Variants in TP63 observed in about 807,000 individuals in gnomAD.
TP63 encodes the protein tumor protein 63.
TP63 carries 17 observed loss-of-function variants against 82.8 expected under a neutral mutation model. That is an observed-to-expected ratio of 0.21 (90% confidence interval 0.14 to 0.31). The LOEUF is 0.31. Among genes scored for constraint, TP63 ranks in the 10% least tolerant of loss-of-function variants. TP63 has a pLI of 1.00. For synonymous variants in TP63, 330 were observed against 321.7 expected (o/e 1.03, Z -0.28); for missense variants, 648 against 895.3 (o/e 0.72, Z 3.52).
chr3:189,602,911 G>T, the TP63 span, among the ~76,000 whole-genome samples: 62 of 152,118 alleles, frequency 4.1e-4, no homozygotes, highest in Non-Finnish European at 6.5e-4. Flanking sequence ...ATGTTTAATG[G>T]CATAGAGCTA....
At chr3:189,890,936 AT>A in intron 13 of TP63, 54 bp downstream of exon 13, 3 of 1,554,366 alleles carry the variant, frequency 1.9e-6, no homozygotes, top group Non-Finnish European at 2.7e-6. Context: ...CTTTCCTCTG[AT>A]GACAACCGCC....
Position 189,676,691 on chromosome 3 carries a change from C to T in TP63, c.62+45114C>T, listed in dbSNP as rs979940612. Among the ~76,000 whole-genome samples, 4 of 151,994 alleles carry T rather than the reference C, an allele frequency of 2.6e-5. No homozygotes were observed. The South Asian group carries it at 8.3e-4, about 32-fold the overall frequency. On this transcript the variant is annotated intron_variant, in intron 1 of 13. Transcript: ENST00000264731. Reference sequence around the variant, plus strand: ...GTGGGCTTTTAGTCTAGCCATCACCCGAATAGTGTACGTCAGGAATCCCCA... The same window carrying T: ...GTGGGCTTTTAGTCTAGCCATCACCTGAATAGTGTACGTCAGGAATCCCCA...
the TP63 span, among the ~76,000 whole-genome samples, chr3:189,621,248 G>C: frequency 6.6e-6 from 1 of 151,924 alleles, no homozygotes; most frequent in Non-Finnish European, 1.5e-5. Flanking sequence ...CTTTTCCTTT[G>C]CCTTTGTGAT....
At chr3:189,629,637 C>T (rs1372519756), upstream of TP63, among the ~76,000 whole-genome samples, 1 of 152,102 alleles carries the variant, frequency 6.6e-6, no homozygotes, top group Non-Finnish European at 1.5e-5. Flanking sequence ...AACCTGGGAA[C>T]GTGTTAGAAA....
intron 3 of TP63, among the ~76,000 whole-genome samples, chr3:189,761,246 C>CAAACAAA (rs1722548444): frequency 6.6e-6 from 1 of 152,200 alleles, no homozygotes; most frequent in South Asian, 2.1e-4. Context: ...TTTTCTGTTG[C>CAAACAAA]ATTGTCAGGC....
intron 4 of TP63, among the ~76,000 whole-genome samples, chr3:189,814,782 A>G (rs1312122550): frequency 6.6e-6 from 1 of 152,158 alleles, no homozygotes; most frequent in Non-Finnish European, 1.5e-5. Flanking sequence ...TTCTTGCCTG[A>G]GTTTTAGATT....
chr3:189,678,914 A>G (rs1011176600), intron 1 of TP63, among the ~76,000 whole-genome samples: 5 of 151,896 alleles, frequency 3.3e-5, no homozygotes, highest in Admixed American at 2.0e-4. Context: ...GTTGTTATTG[A>G]TGTATATAAA....
intron 4 of TP63, among the ~76,000 whole-genome samples, chr3:189,837,477 CTTAAA>C (rs554454446): frequency 9.2e-5 from 14 of 152,100 alleles, no homozygotes; most frequent in African/African-American, 3.4e-4. Flanking sequence ...AAATTTAAAT[CTTAAA>C]TTAAGAAATT....
chr3:189,703,826 G>T (rs1412190125), intron 1 of TP63, among the ~76,000 whole-genome samples: 3 of 152,182 alleles, frequency 2.0e-5, no homozygotes, highest in Non-Finnish European at 4.4e-5. Context: ...ACAGTGAGTT[G>T]TTGGGAAAAC....
intron 1 of TP63, among the ~76,000 whole-genome samples, chr3:189,687,729 A>G (rs570636569): frequency 6.6e-6 from 1 of 152,330 alleles, no homozygotes; most frequent in South Asian, 2.1e-4. Flanking sequence ...CTAATGTACA[A>G]TGGTAGAGGA....
chr3:189,731,561 A>T (rs530378751), intron 1 of TP63, among the ~76,000 whole-genome samples: 88 of 152,198 alleles, frequency 5.8e-4, no homozygotes, highest in East Asian at 3.5e-3. Flanking sequence ...AAGCACACTG[A>T]CAGAAAATAA....
the TP63 span, among the ~76,000 whole-genome samples, chr3:189,605,648 C>T: frequency 0.015 from 2,358 of 152,160 alleles, 77 homozygotes; most frequent in Admixed American, 0.086. Flanking sequence ...TAGAGACCCT[C>T]GATGTTTCTA....
intron 4 of TP63, among the ~76,000 whole-genome samples, chr3:189,848,436 CTCA>C (rs1715218245): frequency 1.3e-5 from 2 of 151,238 alleles, no homozygotes; most frequent in African/African-American, 4.9e-5. Flanking sequence ...CCAGACTGGT[CTCA>C]AATTCTTGGG....
intron 1 of TP63, among the ~76,000 whole-genome samples, chr3:189,643,282 T>C (rs141827285): frequency 0.011 from 1,706 of 152,230 alleles, 27 homozygotes; most frequent in African/African-American, 0.039. Flanking sequence ...ACTACAGGCG[T>C]GAGCCACTGC....
In TP63 at chr3:189,804,587, C is replaced by T. The variant is rs147696477; in HGVS notation, c.325-3685C>T. ...CTTCCAATTGTACCCTGTTAACACA[C>T]GCGATCTTTCTTTAAATCAAAGGAA... On this transcript the variant is annotated intron_variant, in intron 3 of 13. Coordinates refer to ENST00000264731, the MANE Select transcript of TP63 (RefSeq NM_003722.5). 4.8e-4 allele frequency among the ~76,000 whole-genome samples: 73 copies of T among 152,244 alleles called. No homozygotes were observed. In the East Asian group the frequency reaches 7.1e-3, roughly 15 times the overall value.
intron 3 of TP63, among the ~76,000 whole-genome samples, chr3:189,797,439 A>C (rs200018658): frequency 7.2e-5 from 11 of 152,114 alleles, no homozygotes; most frequent in Admixed American, 3.9e-4. Context: ...GCCATTTCCC[A>C]CCCAGCCAGT....
the TP63 span, among the ~76,000 whole-genome samples, chr3:189,605,965 G>A: frequency 1.6e-4 from 24 of 152,202 alleles, no homozygotes; most frequent in South Asian, 4.1e-4. Flanking sequence ...GACAACTACC[G>A]GGATATCTTC....
At chr3:189,687,947 T>C (rs1383516305) in intron 1 of TP63, among the ~76,000 whole-genome samples, 1 of 152,114 alleles carries the variant, frequency 6.6e-6, no homozygotes, top group Non-Finnish European at 1.5e-5. Context: ...ATGTTATGGC[T>C]CTTTATTTCC....
intron 1 of TP63, among the ~76,000 whole-genome samples, chr3:189,718,355 T>G: frequency 6.6e-6 from 1 of 150,394 alleles, no homozygotes; most frequent in East Asian, 1.9e-4. Context: ...TCAGACAGAG[T>G]TTCACAAGAC....
Sources: allele counts gnomAD v4.1 joint callset (sites outside exome capture counted in the v4.1 genomes callset), GRCh38; gene constraint gnomAD v4.1.1; transcripts MANE v1.5; gene names NCBI Gene and HGNC (gene_info 2026-07-23, HGNC 2026-07-21).